Variants in CLIP2 observed in about 807,000 individuals in gnomAD.
CLIP2 encodes CAP-Gly domain containing linker protein 2, also known as CAP-Gly domain-containing linker protein 2.
Under a neutral mutation model 111.7 loss-of-function variants are expected in CLIP2, and 41 were observed. The observed-to-expected ratio is 0.37, with a 90% CI of 0.29 to 0.48. The LOEUF is 0.48. Among genes scored for constraint, CLIP2 ranks in the 20% least tolerant of loss-of-function variants. CLIP2 has a pLI of 0.99. For synonymous variants in CLIP2, 660 were observed against 644.2 expected (o/e 1.02, Z -0.37); for missense variants, 1,160 against 1,422.1 (o/e 0.82, Z 2.96).
chr7:74,348,747 A>ACG (rs1789882799), intron 3 of CLIP2, among the ~76,000 whole-genome samples: 2 of 145,980 alleles, frequency 1.4e-5, no homozygotes, highest in East Asian at 2.0e-4. Context: ...CCGAGATTGC[A>ACG]CCACTGCACT....
Position 74,317,609 on chromosome 7 carries a change from C to A in CLIP2, c.63C>A (p.Gly21=). Residue 21 remains glycine (G), a synonymous_variant, in exon 2 of 17, where the codon GGC becomes GGA. Coordinates refer to ENST00000223398, the MANE Select transcript of CLIP2 (RefSeq NM_003388.5). ...GRGGKHSSPM[G]RTSTGSASSS... is the part of the protein sequence containing the mutation. ...GGGGGAAGCACTCCAGCCCCATGGG[C>A]CGGACATCTACTGGGTCAGCTTCAT... The A allele has an allele frequency of 6.6e-7, 1 of 1,525,482 alleles. No individual in the cohort carries two copies. The highest frequency in any genetic ancestry group is 8.8e-7 in the Non-Finnish European group (1 of 1,130,524). The allele number at this position is 1,525,482 out of a possible 1,614,324, so 94.5% of individuals were successfully genotyped here.
intron 8 of CLIP2, 35 bp downstream of exon 8, chr7:74,364,350 A>T (rs1790416407): frequency 1.3e-6 from 2 of 1,587,504 alleles, no homozygotes; most frequent in Non-Finnish European, 1.7e-6. Context: ...GGGCACACTT[A>T]GCACCGGTGC....
intron 9 of CLIP2, among the ~76,000 whole-genome samples, chr7:74,373,646 C>T (rs1790701505): frequency 3.3e-5 from 5 of 152,158 alleles, no homozygotes; most frequent in African/African-American, 7.2e-5. Flanking sequence ...TGAGACCCCC[C>T]AGTCTCCCCG....
intron 3 of CLIP2, among the ~76,000 whole-genome samples, chr7:74,343,716 G>A (rs1476949193): frequency 2.1e-5 from 3 of 144,226 alleles, no homozygotes; most frequent in Non-Finnish European, 3.0e-5. Context: ...AACATAGCAA[G>A]ACCCCGTCTC....
intron 1 of CLIP2, among the ~76,000 whole-genome samples, chr7:74,294,734 A>G (rs1341791402): frequency 2.6e-5 from 4 of 152,246 alleles, no homozygotes; most frequent in African/African-American, 9.6e-5. Context: ...TTGAGCTTCC[A>G]CAAGCTTTTA....
At chr7:74,393,825 T>G (rs904890812) in intron 13 of CLIP2, among the ~76,000 whole-genome samples, 3 of 152,152 alleles carry the variant, frequency 2.0e-5, no homozygotes, top group African/African-American at 7.2e-5. Context: ...GATGAGGCAA[T>G]CTAGGAATTT....
intron 3 of CLIP2, among the ~76,000 whole-genome samples, chr7:74,351,133 A>AAGAG (rs139848360): frequency 3.0e-4 from 45 of 147,836 alleles, no homozygotes; most frequent in South Asian, 4.3e-4. Flanking sequence ...GAGAGAAAGA[A>AAGAG]AGAGAGAGAG....
At chr7:74,363,773 G>C (rs1455090396) in intron 7 of CLIP2, among the ~76,000 whole-genome samples, 1 of 151,920 alleles carries the variant, frequency 6.6e-6, no homozygotes, top group South Asian at 2.1e-4. Flanking sequence ...ATGTATGCCT[G>C]TAATCCCAGC....
intron 2 of CLIP2, among the ~76,000 whole-genome samples, chr7:74,324,836 A>G (rs1789068108): frequency 6.6e-6 from 1 of 151,724 alleles, no homozygotes; most frequent in Non-Finnish European, 1.5e-5. Flanking sequence ...AAAAAAAAAA[A>G]AAGCCTCTGG....
At chr7:74,290,456 G>T (rs1787983260) in intron 1 of CLIP2, among the ~76,000 whole-genome samples, 1 of 152,242 alleles carries the variant, frequency 6.6e-6, no homozygotes, top group African/African-American at 2.4e-5. Flanking sequence ...GGGCCCGCCC[G>T]TTTGGACCTT....
At chr7:74,325,185 G>A (rs1371869154) in intron 2 of CLIP2, among the ~76,000 whole-genome samples, 1 of 152,220 alleles carries the variant, frequency 6.6e-6, no homozygotes, top group African/African-American at 2.4e-5. Context: ...AGTGGAGAGG[G>A]GAGGGCCTGT....
chr7:74,332,030 C>T (rs1230367919), intron 2 of CLIP2, among the ~76,000 whole-genome samples: 1 of 151,992 alleles, frequency 6.6e-6, no homozygotes, highest in Non-Finnish European at 1.5e-5. Flanking sequence ...CCATGTAGAT[C>T]GGGGTCCCCT....
At chr7:74,305,146 G>C (rs1584309095) in intron 1 of CLIP2, among the ~76,000 whole-genome samples, 1 of 39,796 alleles carries the variant, frequency 2.5e-5, no homozygotes, top group Non-Finnish European at 1.3e-4. Flanking sequence ...GTACACTTAC[G>C]TTCCCTGTCC....
chr7:74,379,390 A>G (rs1554313519), intron 10 of CLIP2, among the ~76,000 whole-genome samples: 3 of 151,948 alleles, frequency 2.0e-5, no homozygotes, highest in Non-Finnish European at 2.9e-5. Context: ...GTCTAAACGC[A>G]TATGTCCCCA....
At chr7:74,324,668 C>A (rs1184238116) in intron 2 of CLIP2, among the ~76,000 whole-genome samples, 1 of 152,076 alleles carries the variant, frequency 6.6e-6, no homozygotes, top group Non-Finnish European at 1.5e-5. Context: ...CACTGCACCC[C>A]GGCTGCTGCC....
intron 3 of CLIP2, among the ~76,000 whole-genome samples, chr7:74,347,321 T>C (rs1198848953): frequency 6.6e-6 from 1 of 152,142 alleles, no homozygotes; most frequent in Non-Finnish European, 1.5e-5. Context: ...TAGGCTGGAG[T>C]GCAGTGGTGC....
intron 14 of CLIP2, among the ~76,000 whole-genome samples, chr7:74,400,149 CA>C (rs781818573): frequency 0.046 from 2,571 of 55,556 alleles, 21 homozygotes; most frequent in African/African-American, 0.059. Context: ...GACTCTGTCT[CA>C]AAAAAAAAAA....
At chr7:74,370,038 A>G (rs1460078218) in intron 8 of CLIP2, among the ~76,000 whole-genome samples, 1 of 75,476 alleles carries the variant, frequency 1.3e-5, no homozygotes, top group African/African-American at 3.8e-5. Context: ...CTTGCCTGTA[A>G]TTCCAGCTAC....
intron 3 of CLIP2, among the ~76,000 whole-genome samples, chr7:74,349,577 A>G (rs903782004): frequency 2.0e-5 from 3 of 148,984 alleles, no homozygotes; most frequent in Non-Finnish European, 4.5e-5. Context: ...CCTTGAAAAC[A>G]TGATGCTAAG....
Sources: gnomAD v4.1 joint callset for allele counts (sites outside exome capture counted in the v4.1 genomes callset) on GRCh38, gnomAD v4.1.1 for gene constraint, MANE v1.5 for transcripts, NCBI Gene and HGNC (gene_info 2026-07-23, HGNC 2026-07-21) for gene names.